Variants in XPR1 observed in about 807,000 individuals in gnomAD.
The protein encoded by XPR1 is solute carrier family 53 member 1.
Under a neutral mutation model 87.5 loss-of-function variants are expected in XPR1, and 28 were observed. That is an observed-to-expected ratio of 0.32 (90% CI 0.24 to 0.44). The LOEUF (loss-of-function observed/expected upper bound fraction) is 0.44, where lower values mean the gene tolerates loss of function less well. XPR1 is among the 20% of genes least tolerant of loss of function. The probability of loss-of-function intolerance (pLI) is 1.00; values close to 1 mark genes in which losing one functional copy is unlikely to be tolerated. For synonymous variants in XPR1, 300 were observed against 306.1 expected (o/e 0.98, Z 0.21); for missense variants, 559 against 862.3 (o/e 0.65, Z 4.41).
intron 2 of XPR1, among the ~76,000 whole-genome samples, chr1:180,767,278 A>G (rs77094477): frequency 0.043 from 6,545 of 152,280 alleles, 503 homozygotes; most frequent in African/African-American, 0.15. Flanking sequence ...TCCCTTCAAA[A>G]TAAAACCATT....
At chr1:180,649,959 T>G (rs1232523664) in intron 1 of XPR1, among the ~76,000 whole-genome samples, 1 of 152,158 alleles carries the variant, frequency 6.6e-6, no homozygotes, top group East Asian at 1.9e-4. Flanking sequence ...CTTCTGGGGT[T>G]TAGGGGCTAG....
At chr1:180,858,794 G>T (rs1652121659) in intron 11 of XPR1, among the ~76,000 whole-genome samples, 1 of 152,114 alleles carries the variant, frequency 6.6e-6, no homozygotes. Context: ...CTGCCCTAAG[G>T]ATAAAGATGA....
intron 1 of XPR1, among the ~76,000 whole-genome samples, chr1:180,657,687 C>CT (rs1399375318): frequency 3.3e-5 from 5 of 152,160 alleles, no homozygotes; most frequent in Non-Finnish European, 7.4e-5. Flanking sequence ...ATTTTGGTCA[C>CT]TATAGCTCTG....
intron 1 of XPR1, among the ~76,000 whole-genome samples, chr1:180,653,064 C>T (rs1655345848): frequency 6.6e-6 from 1 of 152,106 alleles, no homozygotes; most frequent in South Asian, 2.1e-4. Context: ...CTTAGGACTG[C>T]TTGAATTTTT....
chr1:180,808,938 C>T (rs1197093606), intron 6 of XPR1, among the ~76,000 whole-genome samples: 1 of 152,116 alleles, frequency 6.6e-6, no homozygotes, highest in Admixed American at 6.6e-5. Flanking sequence ...TAGGTATTTA[C>T]CCAAGACAAG....
At chr1:180,787,263 G>A (rs1390206932) in intron 2 of XPR1, among the ~76,000 whole-genome samples, 2 of 151,106 alleles carry the variant, frequency 1.3e-5, no homozygotes, top group African/African-American at 4.9e-5. Flanking sequence ...GTTTGTGTGT[G>A]GTCTTACAAA....
intron 14 of XPR1, among the ~76,000 whole-genome samples, chr1:180,883,402 A>C (rs1371414809): frequency 2.0e-5 from 3 of 151,988 alleles, no homozygotes; most frequent in Non-Finnish European, 4.4e-5. Flanking sequence ...GGTTAAATAG[A>C]TGCATCATAA....
At position 180,884,041 on chromosome 1, in the gene XPR1, A is replaced by G. The variant is rs1400757542; in HGVS notation, c.2066A>G (p.Asp689Gly). Residue 689 changes from aspartate (D) to glycine (G), a missense_variant, in exon 15 of 15, where the codon GAC (aspartate) becomes GGC (glycine). Physicochemically the swap from Asp to Gly is moderately conservative, Grantham distance 94 (BLOSUM62 -1). Around this residue, in one of 7 missense-constraint regions of XPR1, gnomAD observed 80 missense variants for 99.5 expected, o/e 0.80. Coordinates refer to ENST00000367590, the MANE Select transcript of XPR1 (RefSeq NM_004736.4). Reference sequence around the variant, plus strand: ...CGTGACACTAAGGTATTGATAGAAGACACAGATGATGAAGCTAACACTTGA... The same window carrying G: ...CGTGACACTAAGGTATTGATAGAAGGCACAGATGATGAAGCTAACACTTGA... ...KARDTKVLIE[D>G]TDDEANT 1 of 1,613,946 alleles carries G rather than the reference A, an allele frequency of 6.2e-7. No individual in the cohort carries two copies. The highest frequency in any genetic ancestry group is 8.5e-7 in the Non-Finnish European group (1 of 1,179,986).
chr1:180,667,838 T>C (rs925477162), intron 1 of XPR1, among the ~76,000 whole-genome samples: 6 of 152,192 alleles, frequency 3.9e-5, no homozygotes, highest in Non-Finnish European at 7.3e-5. Flanking sequence ...TAGGAATTTG[T>C]CCATTTCATC....
At chr1:180,882,083 A>G (rs971946472) in intron 14 of XPR1, among the ~76,000 whole-genome samples, 25 of 152,176 alleles carry the variant, frequency 1.6e-4, no homozygotes, top group African/African-American at 5.8e-4. Flanking sequence ...TTTGAAGTCT[A>G]ATTATCCTTG....
intron 6 of XPR1, among the ~76,000 whole-genome samples, chr1:180,807,260 A>C (rs1205113195): frequency 6.6e-6 from 1 of 152,212 alleles, no homozygotes; most frequent in African/African-American, 2.4e-5. Context: ...GGTAGAAACG[A>C]AGAAGTAAAA....
chr1:180,651,711 T>C (rs1655297166), intron 1 of XPR1, among the ~76,000 whole-genome samples: 1 of 152,164 alleles, frequency 6.6e-6, no homozygotes, highest in Non-Finnish European at 1.5e-5. Context: ...GCTTATAATA[T>C]TTAAATTGTA....
At chr1:180,705,673 A>G (rs1657532003) in intron 2 of XPR1, among the ~76,000 whole-genome samples, 1 of 152,214 alleles carries the variant, frequency 6.6e-6, no homozygotes, top group African/African-American at 2.4e-5. Context: ...GGGATCCTCT[A>G]ACATGTTAGC....
At chr1:180,791,720 A>G (rs1207245741) in intron 3 of XPR1, among the ~76,000 whole-genome samples, 1 of 152,230 alleles carries the variant, frequency 6.6e-6, no homozygotes, top group Admixed American at 6.5e-5. Context: ...GAAACAGTAC[A>G]TCTTTAGTAC....
At chr1:180,862,964 T>C (rs1652269361) in intron 11 of XPR1, among the ~76,000 whole-genome samples, 1 of 152,124 alleles carries the variant, frequency 6.6e-6, no homozygotes, top group Admixed American at 6.5e-5. Context: ...CAGAAATGAT[T>C]AAATTGTATA....
At chr1:180,836,810 GCT>G in intron 11 of XPR1, 94 bp downstream of exon 11, 1 of 1,436,088 alleles carries the variant, frequency 7.0e-7, no homozygotes, top group East Asian at 2.3e-5. Context: ...CATTTGTCAT[GCT>G]CTTTTTTTTC....
rs574579291 is a variant in XPR1, at chr1:180,828,299, TA to T, written c.1134+2962del. Among the ~76,000 whole-genome samples the T allele has an allele frequency of 1.4e-4, 22 of 152,276 alleles. No homozygotes were observed. The South Asian group carries it at 4.6e-3, about 32-fold the overall frequency. ...TATGCTATGCTCCTAAAAACAAAGCTAAAAAAATTTATAAGAAATTGATTTA... is the reference window on the plus strand; with the variant it reads ...TATGCTATGCTCCTAAAAACAAAGCTAAAAAATTTATAAGAAATTGATTTA... On this transcript the variant is annotated intron_variant, in intron 9 of 14. Coordinates refer to ENST00000367590, the MANE Select transcript of XPR1 (RefSeq NM_004736.4).
rs1557941420 is a variant in XPR1 at position 180,656,452 on chromosome 1, T to TTTATA, written c.69+24182_69+24183insTTATA. On this transcript the variant is annotated intron_variant, in intron 1 of 14. Transcript: ENST00000367590. ...TTATATATTTATATATAAATATTTA[T>TTTATA]ATATTTATATATAATATTTATACAT... Among the ~76,000 whole-genome samples, 92 of 40,604 alleles carry TTTATA rather than the reference T, an allele frequency of 2.3e-3. 9 individuals are homozygous for TTTATA. The highest frequency in any genetic ancestry group is 6.7e-3 in the African/African-American group (61 of 9,096). 26.6% of individuals were successfully genotyped at this position (40,604 alleles called of 152,430 possible). A position where few individuals can be genotyped will look rare whatever the true frequency, so the allele number is the denominator to read the frequency against.
rs902144306 is a variant in XPR1, at chr1:180,873,867, C to T, written c.1733C>T (p.Ser578Leu). Reference sequence around the variant, plus strand: ...CGCTTTGCTTGGACTATCCAAATCTCGATTACCTCTACAACTTTGTTGCCT... The same window carrying T: ...CGCTTTGCTTGGACTATCCAAATCTTGATTACCTCTACAACTTTGTTGCCT... ...ILRFAWTIQI[S>L]ITSTTLLPHS... The change falls in exon 13 of 15, where the codon TCG becomes TTG. Residue 578 changes from serine (S) to leucine (L), a missense_variant. By Grantham distance (145) the Ser-to-Leu change is moderately radical. Transcript: ENST00000367590. 3 of 1,614,128 alleles carry T rather than the reference C, an allele frequency of 1.9e-6. No individual in the cohort carries two copies. The highest frequency in any genetic ancestry group is 2.5e-6 in the Non-Finnish European group (3 of 1,179,996).
Sources: allele counts gnomAD v4.1 joint callset (sites outside exome capture counted in the v4.1 genomes callset), GRCh38; gene constraint gnomAD v4.1.1; regional missense constraint gnomAD v4.1.1; transcripts MANE v1.5; gene names NCBI Gene and HGNC (gene_info 2026-07-23, HGNC 2026-07-21).